RBFOX1: variants seen among roughly 807,000 people sequenced by gnomAD.
The protein encoded by RBFOX1 is RNA binding protein fox-1 homolog 1.
Under a neutral mutation model 57.7 loss-of-function variants are expected in RBFOX1, and 8 were observed. That is an observed-to-expected ratio of 0.14 (90% CI 0.08 to 0.25). RBFOX1 has a LOEUF of 0.25. RBFOX1 is among the 10% of genes least tolerant of loss of function. The probability of loss-of-function intolerance (pLI) is 1.00; values close to 1 mark genes in which losing one functional copy is unlikely to be tolerated. For missense variants in RBFOX1, 611 were observed against 548.5 expected (o/e 1.11, Z -1.14); for synonymous variants, 326 against 222.4 (o/e 1.47, Z -4.15).
intron 3 of RBFOX1, among the ~76,000 whole-genome samples, chr16:6,713,006 A>G (rs2064014264): frequency 6.7e-6 from 1 of 148,380 alleles, no homozygotes; most frequent in Admixed American, 7.0e-5. Flanking sequence ...GCCGCCATGT[A>G]AGACCTGCCT....
intron 1 of RBFOX1, among the ~76,000 whole-genome samples, chr16:6,160,852 T>C (rs2152744185): frequency 6.6e-6 from 1 of 152,296 alleles, no homozygotes; most frequent in African/African-American, 2.4e-5. Context: ...AATGCCTTAA[T>C]CTCGAGTGTC....
intron 4 of RBFOX1, among the ~76,000 whole-genome samples, chr16:7,254,089 C>G (rs905320186): frequency 2.0e-5 from 3 of 152,074 alleles, no homozygotes; most frequent in African/African-American, 7.2e-5. Context: ...GCTAAGAATG[C>G]CCTTTACTTC....
At chr16:7,135,151 C>T (rs7190550) in intron 4 of RBFOX1, among the ~76,000 whole-genome samples, 9,620 of 152,108 alleles carry the variant, frequency 0.063, 1,039 homozygotes, top group African/African-American at 0.22. Context: ...TTTCTGAGTT[C>T]GTGTTTATTT....
intron 4 of RBFOX1, among the ~76,000 whole-genome samples, chr16:7,126,798 A>G (rs1017833855): frequency 2.0e-5 from 3 of 151,916 alleles, no homozygotes; most frequent in African/African-American, 7.3e-5. Context: ...AGATCAGCCA[A>G]AGATTTTCTT....
At chr16:5,740,486 G>T (rs74006247) in intron 3 of RBFOX1, among the ~76,000 whole-genome samples, 3,428 of 152,292 alleles carry the variant, frequency 0.023, 135 homozygotes, top group African/African-American at 0.077. Context: ...AAAGTTTTCT[G>T]TAGCAAACTC....
At chr16:6,501,684 T>A (rs2095934875) in intron 2 of RBFOX1, among the ~76,000 whole-genome samples, 1 of 152,152 alleles carries the variant, frequency 6.6e-6, no homozygotes, top group Admixed American at 6.5e-5. Context: ...CTGACGTTTC[T>A]GATCTCATTC....
chr16:6,550,244 C>G (rs1371474034), intron 2 of RBFOX1, among the ~76,000 whole-genome samples: 1 of 152,080 alleles, frequency 6.6e-6, no homozygotes, highest in Non-Finnish European at 1.5e-5. Context: ...GTGGCGTGAT[C>G]TCAGCTCACT....
intron 4 of RBFOX1, among the ~76,000 whole-genome samples, chr16:5,945,511 C>G (rs2152270403): frequency 6.6e-6 from 1 of 152,308 alleles, no homozygotes; most frequent in Non-Finnish European, 1.5e-5. Context: ...CCTTGTCTGA[C>G]TTGCTTATTT....
chr16:6,969,251 C>T (rs1297215568), intron 3 of RBFOX1, among the ~76,000 whole-genome samples: 1 of 152,008 alleles, frequency 6.6e-6, no homozygotes, highest in Non-Finnish European at 1.5e-5. Flanking sequence ...TTGGGAAGAC[C>T]TTGGAGATTA....
At chr16:5,286,969 AAAAG>A (rs2063410711) in intron 1 of RBFOX1, among the ~76,000 whole-genome samples, 1 of 152,214 alleles carries the variant, frequency 6.6e-6, no homozygotes, top group Non-Finnish European at 1.5e-5. Flanking sequence ...TTTCTAAAGA[AAAAG>A]AAAGCAACCC....
At chr16:7,163,140 T>A (rs1240891856) in intron 4 of RBFOX1, among the ~76,000 whole-genome samples, 1 of 152,086 alleles carries the variant, frequency 6.6e-6, no homozygotes, top group East Asian at 1.9e-4. Context: ...TCAACACTTT[T>A]GACATTTTTT....
intron 3 of RBFOX1, among the ~76,000 whole-genome samples, chr16:6,871,897 G>A (rs1830895774): frequency 6.8e-6 from 1 of 146,806 alleles, no homozygotes; most frequent in South Asian, 2.2e-4. Context: ...GGCTCTTTGA[G>A]AGAGGGAGAG....
intron 4 of RBFOX1, among the ~76,000 whole-genome samples, chr16:7,460,197 T>C (rs1018235398): frequency 7.9e-5 from 12 of 151,570 alleles, no homozygotes; most frequent in Non-Finnish European, 1.5e-4. Context: ...CTATTATAGC[T>C]GCCATTGCTC....
At chr16:6,867,574 C>T (rs541124942) in intron 3 of RBFOX1, among the ~76,000 whole-genome samples, 4 of 152,162 alleles carry the variant, frequency 2.6e-5, no homozygotes, top group African/African-American at 4.8e-5. Flanking sequence ...CAAAAATTAG[C>T]CAGGCGTGGT....
chr16:7,205,718 G>A (rs1183052883), intron 4 of RBFOX1, among the ~76,000 whole-genome samples: 1 of 152,178 alleles, frequency 6.6e-6, no homozygotes, highest in Admixed American at 6.5e-5. Context: ...AGTCTTTGGT[G>A]ATGGGCAGAA....
At chr16:5,981,561 C>G (rs2060173112) in intron 4 of RBFOX1, among the ~76,000 whole-genome samples, 1 of 152,242 alleles carries the variant, frequency 6.6e-6, no homozygotes, top group South Asian at 2.1e-4. Flanking sequence ...CTCCGCCTCC[C>G]AGGCTCAGGT....
chr16:5,949,835 A>G (rs781213847), intron 4 of RBFOX1, among the ~76,000 whole-genome samples: 2 of 152,310 alleles, frequency 1.3e-5, no homozygotes, highest in Admixed American at 6.5e-5. Context: ...GGGCCCAGAA[A>G]TCCATTCTAA....
At chr16:5,745,495 C>G (rs1676884939) in intron 3 of RBFOX1, among the ~76,000 whole-genome samples, 1 of 152,196 alleles carries the variant, frequency 6.6e-6, no homozygotes, top group African/African-American at 2.4e-5. Flanking sequence ...ATTTCTAGTT[C>G]TAGATCCTTG....
At chr16:5,773,695 T>TTTTTA (rs1387494927) in intron 3 of RBFOX1, among the ~76,000 whole-genome samples, 1 of 152,138 alleles carries the variant, frequency 6.6e-6, no homozygotes, top group Non-Finnish European at 1.5e-5. Flanking sequence ...AGCATGTGCA[T>TTTTTA]TTTTATTTTA....
Sources: gnomAD v4.1 joint callset for allele counts (sites outside exome capture counted in the v4.1 genomes callset) on GRCh38, gnomAD v4.1.1 for gene constraint, MANE v1.5 for transcripts, NCBI Gene and HGNC (gene_info 2026-07-23, HGNC 2026-07-21) for gene names.